EFNA5: variants seen among roughly 807,000 people sequenced by gnomAD.
EFNA5 encodes ephrin A5.
In EFNA5, 5 loss-of-function variants were observed where a neutral mutation model predicts 22.9. The observed-to-expected ratio is 0.22, with a 90% CI of 0.11 to 0.46. EFNA5 has a LOEUF of 0.46. Ranked by LOEUF, EFNA5 falls within the 20% of genes least tolerant of loss-of-function variation. The pLI is 0.99. For missense variants in EFNA5, 237 were observed against 293.3 expected (o/e 0.81, Z 1.40); for synonymous variants, 113 against 112.2 (o/e 1.01, Z -0.04).
At chr5:107,491,341 C>T (rs996900517) in intron 1 of EFNA5, among the ~76,000 whole-genome samples, 4 of 152,220 alleles carry the variant, frequency 2.6e-5, no homozygotes, top group East Asian at 1.9e-4. Flanking sequence ...CATGGAGTTC[C>T]GCTCTTGTTG....
At chr5:107,476,115 G>A (rs186333759) in intron 1 of EFNA5, among the ~76,000 whole-genome samples, 1 of 115,360 alleles carries the variant, frequency 8.7e-6, no homozygotes, top group East Asian at 2.6e-4. Context: ...GTAATGGCGC[G>A]ATCTCGGCTC....
chr5:107,640,699 C>T (rs1243334051), intron 1 of EFNA5, among the ~76,000 whole-genome samples: 1 of 152,210 alleles, frequency 6.6e-6, no homozygotes, highest in East Asian at 1.9e-4. Context: ...GCTAATGAAA[C>T]ATTATCTGCA....
rs578039004 is a variant in EFNA5, at chr5:107,456,250, A to G, written c.126-28741T>C. 7.9e-5 allele frequency among the ~76,000 whole-genome samples: 12 copies of G among 152,216 alleles called. No individual in the cohort carries two copies. The South Asian group carries it at 1.7e-3, about 21-fold the overall frequency. ...CTAAGCTAACTAGGGTGTGATTTATATTTTTATCCCAGAGCTCTAGGCCAT... is the reference window on the plus strand; with the variant it reads ...CTAAGCTAACTAGGGTGTGATTTATGTTTTTATCCCAGAGCTCTAGGCCAT... On this transcript the variant is annotated intron_variant, in intron 1 of 4. Coordinates refer to ENST00000333274, the MANE Select transcript of EFNA5 (RefSeq NM_001962.3).
intron 1 of EFNA5, among the ~76,000 whole-genome samples, chr5:107,486,829 C>T (rs540100241): frequency 6.6e-6 from 1 of 152,282 alleles, no homozygotes; most frequent in South Asian, 2.1e-4. Context: ...TCTGTCCTGA[C>T]AAATATAGAT....
intron 1 of EFNA5, among the ~76,000 whole-genome samples, chr5:107,578,902 C>CT (rs1234870380): frequency 1.3e-5 from 2 of 152,140 alleles, no homozygotes; most frequent in Admixed American, 6.5e-5. Flanking sequence ...GTTTTAATTT[C>CT]TTTTAAAATA....
chr5:107,598,836 C>CT (rs1561445444), intron 1 of EFNA5, among the ~76,000 whole-genome samples: 2 of 152,098 alleles, frequency 1.3e-5, no homozygotes, highest in Non-Finnish European at 2.9e-5. Flanking sequence ...CACTGTATGG[C>CT]AAAATTCCAC....
chr5:107,546,560 CT>C, intron 1 of EFNA5, among the ~76,000 whole-genome samples: 1 of 152,162 alleles, frequency 6.6e-6, no homozygotes, highest in Admixed American at 6.5e-5. Flanking sequence ...ATTACAAGGG[CT>C]CAATGGCAGA....
chr5:107,477,693 G>C lies in EFNA5; in HGVS notation c.126-50184C>G, dbSNP rs1750350388. Among the ~76,000 whole-genome samples the C allele has an allele frequency of 3.3e-5, 5 of 152,220 alleles. No homozygotes were observed. The South Asian group carries it at 1.0e-3, about 32-fold the overall frequency. On this transcript the variant is annotated intron_variant, in intron 1 of 4. Transcript: ENST00000333274. ...CAAGGTGTGGCTATTGTGTTCTCTT[G>C]ACTAACTTCTACCTGCACTGTTTCC...
At chr5:107,591,826 AAT>A (rs753706753) in intron 1 of EFNA5, among the ~76,000 whole-genome samples, 8 of 96,578 alleles carry the variant, frequency 8.3e-5, no homozygotes, top group South Asian at 2.7e-4. Flanking sequence ...GTCTCAAAAA[AAT>A]ATATATATAT....
chr5:107,660,315 T>TATATATATATATATATATA (rs1750926620), intron 1 of EFNA5, among the ~76,000 whole-genome samples: 2 of 109,750 alleles, frequency 1.8e-5, no homozygotes, highest in Admixed American at 9.8e-5. Flanking sequence ...TATATATATA[T>TATATATATATATATATATA]TTGGCAAGTG....
intron 2 of EFNA5, among the ~76,000 whole-genome samples, chr5:107,420,796 CTGAG>C (rs1163492162): frequency 6.6e-6 from 1 of 151,982 alleles, no homozygotes; most frequent in East Asian, 1.9e-4. Context: ...TAAATATTTC[CTGAG>C]TAACTCTTCT....
intron 1 of EFNA5, among the ~76,000 whole-genome samples, chr5:107,492,169 A>G (rs1746823104): frequency 6.6e-6 from 1 of 152,206 alleles, no homozygotes; most frequent in Non-Finnish European, 1.5e-5. Context: ...AATAAAAGCA[A>G]AACAACTACA....
chr5:107,663,015 CTAAGT>C (rs900683479), intron 1 of EFNA5, among the ~76,000 whole-genome samples: 2 of 151,956 alleles, frequency 1.3e-5, no homozygotes, highest in African/African-American at 4.8e-5. Context: ...CATATTATTA[CTAAGT>C]TAAAACATCC....
chr5:107,467,352 A>G (rs968247540), intron 1 of EFNA5, among the ~76,000 whole-genome samples: 2 of 152,198 alleles, frequency 1.3e-5, no homozygotes, highest in African/African-American at 2.4e-5. Flanking sequence ...GTCTCACTAT[A>G]GTGCTAATAG....
intron 1 of EFNA5, among the ~76,000 whole-genome samples, chr5:107,644,110 T>C (rs564506686): frequency 6.6e-6 from 1 of 152,188 alleles, no homozygotes; most frequent in Admixed American, 6.5e-5. Flanking sequence ...GTTAAGCTGA[T>C]TAATAAAAAT....
intron 2 of EFNA5, among the ~76,000 whole-genome samples, chr5:107,413,739 T>G (rs1205642808): frequency 6.6e-6 from 1 of 151,980 alleles, no homozygotes; most frequent in Non-Finnish European, 1.5e-5. Context: ...CCCTAAAGGG[T>G]TCTATGGTTT....
At chr5:107,452,420 A>T (rs548500253) in intron 1 of EFNA5, among the ~76,000 whole-genome samples, 1 of 152,236 alleles carries the variant, frequency 6.6e-6, no homozygotes, top group East Asian at 1.9e-4. Flanking sequence ...CAGCACTATG[A>T]TGAAAGAAAA....
At chr5:107,405,922 A>G (rs930578262) in intron 2 of EFNA5, among the ~76,000 whole-genome samples, 3 of 146,220 alleles carry the variant, frequency 2.1e-5, no homozygotes, top group South Asian at 2.1e-4. Flanking sequence ...AATGTATACA[A>G]ATACATATAT....
At chr5:107,563,719 G>A (rs1748596419) in intron 1 of EFNA5, among the ~76,000 whole-genome samples, 1 of 152,160 alleles carries the variant, frequency 6.6e-6, no homozygotes, top group South Asian at 2.1e-4. Context: ...GGGATAACAG[G>A]CATGAGCCAC....
Sources: allele counts gnomAD v4.1 joint callset (sites outside exome capture counted in the v4.1 genomes callset), GRCh38; gene constraint gnomAD v4.1.1; transcripts MANE v1.5; gene names NCBI Gene and HGNC (gene_info 2026-07-23, HGNC 2026-07-21).